Variants in MALT1 observed in about 807,000 individuals in gnomAD.
The protein encoded by MALT1 is MALT1 paracaspase, also known as mucosa-associated lymphoid tissue lymphoma translocation protein 1.
A neutral mutation model predicts 85.5 loss-of-function variants in MALT1; 36 were observed. The observed-to-expected ratio is 0.42, with a 90% CI of 0.32 to 0.56. The LOEUF is 0.56. MALT1 is among the 20% of genes least tolerant of loss of function. MALT1 has a pLI of 0.10. For missense variants in MALT1, 716 were observed against 981.6 expected, an observed-to-expected ratio of 0.73 and a Z score of 3.62; for synonymous variants, 359 against 361.3, an observed-to-expected ratio of 0.99 and a Z score of 0.07.
At chr18:58,711,709 A>G (rs909856953) in intron 7 of MALT1, among the ~76,000 whole-genome samples, 2 of 152,202 alleles carry the variant, frequency 1.3e-5, no homozygotes, top group Non-Finnish European at 2.9e-5. Context: ...CCTCTATTAC[A>G]TAAGCTTAGG....
In MALT1 at chr18:58,741,903, C is replaced by G; in HGVS notation, c.1642C>G (p.Leu548Val). ...TCACCTTACCAAAGGCAAACAGGCT[C>G]TAGAGATTCGAAGTAGTTTATCTGA... ...KCHLTKGKQALEIRSSLSEKR... is the reference protein window; with the variant it reads ...KCHLTKGKQAVEIRSSLSEKR... The change falls in exon 14 of 17, where the codon CTA (leucine) becomes GTA (valine). Residue 548 changes from leucine (L) to valine (V), a missense_variant. Leu to Val is a conservative substitution (Grantham distance 32). Around this residue, in one of 4 missense-constraint regions of MALT1, gnomAD observed 86 missense variants for 212.3 expected, o/e 0.41. Transcript: ENST00000649217. The G allele has an allele frequency of 6.4e-7, 1 of 1,560,456 alleles. No individual in the cohort carries two copies. Among genetic ancestry groups the G allele is most frequent in the Non-Finnish European group, 8.8e-7 (1 of 1,140,420 alleles).
At chr18:58,722,213 T>A (rs1401208997) in intron 9 of MALT1, among the ~76,000 whole-genome samples, 1 of 152,064 alleles carries the variant, frequency 6.6e-6, no homozygotes, top group Non-Finnish European at 1.5e-5. Flanking sequence ...GTTGAAGACC[T>A]CATAAGCACT....
chr18:58,728,618 A>C lies in MALT1; in HGVS notation c.1223-4779A>C, dbSNP rs1262210554. ...AGACCCTGTCTCAAATAAATAAATA[A>C]ATAAATTTTTTAAAAAAATGATTTG... On this transcript the variant is annotated intron_variant, in intron 10 of 16. Coordinates refer to ENST00000649217, the MANE Select transcript of MALT1 (RefSeq NM_006785.4). Among the ~76,000 whole-genome samples the C allele has an allele frequency of 2.0e-5, 3 of 152,196 alleles. No homozygotes were observed. The East Asian group carries it at 5.8e-4, about 29-fold the overall frequency.
intron 15 of MALT1, among the ~76,000 whole-genome samples, chr18:58,744,967 TGA>T: frequency 6.6e-6 from 1 of 151,890 alleles, no homozygotes; most frequent in Non-Finnish European, 1.5e-5. Flanking sequence ...CTTTCCTACA[TGA>T]GTGTGACAAA....
At chr18:58,715,066 A>T (rs2054880953) in intron 8 of MALT1, among the ~76,000 whole-genome samples, 2 of 152,132 alleles carry the variant, frequency 1.3e-5, no homozygotes, top group African/African-American at 2.4e-5. Context: ...AGTGTCCTCA[A>T]ATTCACATAA....
intron 9 of MALT1, among the ~76,000 whole-genome samples, chr18:58,718,629 G>T (rs1184195444): frequency 1.3e-5 from 2 of 152,200 alleles, no homozygotes; most frequent in Admixed American, 1.3e-4. Context: ...GGTCCCTGGT[G>T]CCAGAAAGGT....
intron 10 of MALT1, among the ~76,000 whole-genome samples, chr18:58,723,837 A>G (rs2055017358): frequency 6.6e-6 from 1 of 152,208 alleles, no homozygotes. Context: ...TTTTTTCCCC[A>G]TTCTTTCACC....
chr18:58,671,573 G>A lies in MALT1; in HGVS notation c.-71G>A. On this transcript the variant is annotated 5_prime_UTR_variant, in exon 1 of 17. Transcript: ENST00000649217. ...CTCCGCGGCTCGGAGGCGAGCGGAA[G>A]GTGCCCCGGGGCCGAGGCCCGTGAC... 1.9e-6 allele frequency: 2 copies of A among 1,041,766 alleles called. No individual in the cohort carries two copies. Among genetic ancestry groups the A allele is most frequent in the Non-Finnish European group, 2.4e-6 (2 of 821,688 alleles). The allele number at this position is 1,041,766 out of a possible 1,614,324, so 64.5% of individuals were successfully genotyped here.
At chr18:58,721,060 G>A (rs2054975467) in intron 9 of MALT1, among the ~76,000 whole-genome samples, 1 of 152,186 alleles carries the variant, frequency 6.6e-6, no homozygotes, top group African/African-American at 2.4e-5. Flanking sequence ...GTACTTTAGT[G>A]TAAGAATACT....
chr18:58,735,245 G>A lies in MALT1; in HGVS notation c.1519G>A (p.Ala507Thr). ...TTTTGAAATCCAGCATTCTGGATTG[G>A]CAAATGGAATCTTTATGAAATTTTT... ...EAFEIQHSGLANGIFMKFLKD... is the reference protein window; with the variant it reads ...EAFEIQHSGLTNGIFMKFLKD... Residue 507 changes from alanine (A) to threonine (T), a missense_variant, in exon 13 of 17, where the codon GCA becomes ACA. By Grantham distance (58) the Ala-to-Thr change is moderately conservative. Coordinates refer to ENST00000649217, the MANE Select transcript of MALT1 (RefSeq NM_006785.4). The A allele has an allele frequency of 6.2e-7, 1 of 1,610,684 alleles. No homozygotes were observed. Among genetic ancestry groups the A allele is most frequent in the East Asian group, 2.2e-5 (1 of 44,834 alleles).
chr18:58,711,004 T>G, intron 7 of MALT1, 51 bp downstream of exon 7: 1 of 1,386,864 alleles, frequency 7.2e-7, no homozygotes, highest in East Asian at 2.5e-5. Flanking sequence ...CTAGTTACTC[T>G]TGGGATTGGT....
At chr18:58,698,067 GTTTTTTTGTTT>G (rs2054618135) in intron 3 of MALT1, among the ~76,000 whole-genome samples, 11 of 74,962 alleles carry the variant, frequency 1.5e-4, no homozygotes, top group African/African-American at 4.4e-4. Flanking sequence ...GTTTTGTTTT[GTTTTTTTGTTT>G]TTTTTTTGAG....
intron 6 of MALT1, 32 bp from the exon 7 acceptor site, chr18:58,710,881 TGAATTACA>T (rs774290401): frequency 6.9e-7 from 1 of 1,442,106 alleles, no homozygotes; most frequent in East Asian, 2.4e-5. Flanking sequence ...CTTAAGATCA[TGAATTACA>T]ATATATTCAA....
chr18:58,743,436 A>G (rs1475761678), intron 14 of MALT1, among the ~76,000 whole-genome samples: 1 of 152,210 alleles, frequency 6.6e-6, no homozygotes, highest in Non-Finnish European at 1.5e-5. Flanking sequence ...AAAGCACATT[A>G]AAATGTAAAA....
intron 4 of MALT1, among the ~76,000 whole-genome samples, chr18:58,701,123 G>A (rs371376461): frequency 4.2e-5 from 6 of 144,414 alleles, no homozygotes; most frequent in Admixed American, 2.1e-4. Context: ...GTGTGTGCGC[G>A]CACGTTCACA....
intron 9 of MALT1, among the ~76,000 whole-genome samples, chr18:58,717,796 T>G (rs2054925523): frequency 6.7e-6 from 1 of 148,978 alleles, no homozygotes; most frequent in Non-Finnish European, 1.5e-5. Flanking sequence ...TTCATAGTGG[T>G]AAGTTTTCAT....
At chr18:58,737,604 G>C (rs1276020316) in intron 13 of MALT1, among the ~76,000 whole-genome samples, 1 of 152,096 alleles carries the variant, frequency 6.6e-6, no homozygotes, top group Non-Finnish European at 1.5e-5. Context: ...CTTTGTGTGA[G>C]ACTACAGAGT....
At chr18:58,685,923 T>G (rs2054394847) in intron 2 of MALT1, among the ~76,000 whole-genome samples, 1 of 152,200 alleles carries the variant, frequency 6.6e-6, no homozygotes, top group Non-Finnish European at 1.5e-5. Flanking sequence ...ATTTTTTTTT[T>G]TAGATCTTAT....
At chr18:58,714,552 T>C (rs1297314743) in intron 8 of MALT1, among the ~76,000 whole-genome samples, 1 of 152,172 alleles carries the variant, frequency 6.6e-6, no homozygotes, top group Non-Finnish European at 1.5e-5. Context: ...TGGGTGCCTA[T>C]ATCTGGAGTA....
Sources: allele counts gnomAD v4.1 joint callset (sites outside exome capture counted in the v4.1 genomes callset), GRCh38; gene constraint gnomAD v4.1.1; regional missense constraint gnomAD v4.1.1; transcripts MANE v1.5; gene names NCBI Gene and HGNC (gene_info 2026-07-23, HGNC 2026-07-21).